The following MGAT4C variants were observed in gnomAD, a reference collection of about 807,000 sequenced individuals.
MGAT4C encodes MGAT4 family member C, also known as alpha-1,3-mannosyl-glycoprotein 4-beta-N-acetylglucosaminyltransferase C.
In MGAT4C, 19 loss-of-function variants were observed where a neutral mutation model predicts 40.1. That is an observed-to-expected ratio of 0.47 (90% confidence interval 0.33 to 0.70). The LOEUF is 0.70. MGAT4C is among the 30% of genes least tolerant of loss of function. MGAT4C has a pLI of 0.02. For synonymous variants in MGAT4C, 181 were observed against 187.1 expected, an observed-to-expected ratio of 0.97 and a Z score of 0.27; for missense variants, 491 against 563.2, an observed-to-expected ratio of 0.87 and a Z score of 1.30.
At chr12:86,382,782 C>G (rs1389035461) in intron 3 of MGAT4C, among the ~76,000 whole-genome samples, 1 of 152,182 alleles carries the variant, frequency 6.6e-6, no homozygotes, top group Non-Finnish European at 1.5e-5. Context: ...AGGTATAAGC[C>G]CCAAGCCTTA....
At chr12:86,383,488 T>C (rs750168544) in intron 3 of MGAT4C, among the ~76,000 whole-genome samples, 5 of 140,368 alleles carry the variant, frequency 3.6e-5, no homozygotes, top group Non-Finnish European at 7.5e-5. Flanking sequence ...GGGATGGAGG[T>C]TGCAGTGAGC....
chr12:85,957,246 T>C lies in MGAT4C; in HGVS notation c.*22043A>G, dbSNP rs1565788220. Reference sequence around the variant, plus strand: ...TTTAATTTTTATTTTATTTTCTTCATCTGTAAATAAAGTCATATTATTTGT... The same window carrying C: ...TTTAATTTTTATTTTATTTTCTTCACCTGTAAATAAAGTCATATTATTTGT... On this transcript the variant is annotated 3_prime_UTR_variant, in exon 5 of 5. Coordinates refer to ENST00000611864, the MANE Select transcript of MGAT4C (RefSeq NM_001351288.2). The C allele has an allele frequency of 6.6e-6, 1 of 152,228 alleles. No homozygotes were observed. The highest frequency in any genetic ancestry group is 2.4e-5 in the African/African-American group (1 of 41,468). The allele number at this position is 152,228 out of a possible 1,614,324, so 9.4% of individuals were successfully genotyped here.
intron 1 of MGAT4C, among the ~76,000 whole-genome samples, chr12:86,775,848 A>AATAT (rs35313350): frequency 1.9e-4 from 28 of 149,980 alleles, no homozygotes; most frequent in South Asian, 1.3e-3. Context: ...TTTACCCTGA[A>AATAT]ATATATATAT....
intron 2 of MGAT4C, among the ~76,000 whole-genome samples, chr12:86,535,677 T>C (rs4441085): frequency 3.0e-4 from 45 of 152,232 alleles, no homozygotes; most frequent in Admixed American, 1.4e-3. Context: ...TGTACAAATC[T>C]AAACAATTAA....
intron 2 of MGAT4C, among the ~76,000 whole-genome samples, chr12:86,471,995 A>C (rs975388193): frequency 3.9e-5 from 6 of 152,142 alleles, no homozygotes; most frequent in Non-Finnish European, 8.8e-5. Context: ...TTTAAGTGCC[A>C]ATAGTTTTTG....
At chr12:86,094,856 T>C (rs1322984458) in intron 1 of MGAT4C, among the ~76,000 whole-genome samples, 1 of 152,142 alleles carries the variant, frequency 6.6e-6, no homozygotes, top group East Asian at 1.9e-4. Flanking sequence ...CTAACTTTCC[T>C]TGTACATTAA....
At chr12:86,557,379 G>T (rs1393388209) in intron 2 of MGAT4C, among the ~76,000 whole-genome samples, 1 of 152,124 alleles carries the variant, frequency 6.6e-6, no homozygotes, top group Non-Finnish European at 1.5e-5. Context: ...AGCCAACCCT[G>T]CCAGTCACCA....
At chr12:86,655,378 T>C (rs1429208806) in intron 2 of MGAT4C, among the ~76,000 whole-genome samples, 3 of 152,158 alleles carry the variant, frequency 2.0e-5, no homozygotes, top group Non-Finnish European at 2.9e-5. Context: ...GTACATTTCA[T>C]GCATAGAGAA....
chr12:86,407,640 G>A (rs1340267070), intron 3 of MGAT4C, among the ~76,000 whole-genome samples: 1 of 151,984 alleles, frequency 6.6e-6, no homozygotes, highest in Non-Finnish European at 1.5e-5. Context: ...TCAGTTTGCT[G>A]TGTGATTCAA....
intron 2 of MGAT4C, among the ~76,000 whole-genome samples, chr12:86,558,164 A>G (rs1387986893): frequency 6.6e-6 from 1 of 152,210 alleles, no homozygotes; most frequent in Non-Finnish European, 1.5e-5. Flanking sequence ...ACCATCAGAC[A>G]AAAGAAAATA....
At chr12:86,147,493 G>T (rs1293142696) in intron 1 of MGAT4C, among the ~76,000 whole-genome samples, 1 of 152,040 alleles carries the variant, frequency 6.6e-6, no homozygotes, top group Non-Finnish European at 1.5e-5. Flanking sequence ...CACCCGCCTC[G>T]GCCTCCCAAA....
rs376528615 is a variant in MGAT4C at position 86,634,917 on chromosome 12, T to C, written c.-229+92292A>G. Among the ~76,000 whole-genome samples the C allele has an allele frequency of 1.8e-4, 28 of 152,266 alleles. 1 individual carries two copies. The highest frequency in any genetic ancestry group is 6.3e-4 in the African/African-American group (26 of 41,574). On this transcript the variant is annotated intron_variant, in intron 2 of 7. Transcript: ENST00000548651. ...ATGTAAACATGTGACTCATTGGTGGTCAGCTCAGGGTGTGTCCCACACACA... is the reference window on the plus strand; with the variant it reads ...ATGTAAACATGTGACTCATTGGTGGCCAGCTCAGGGTGTGTCCCACACACA...
intron 2 of MGAT4C, among the ~76,000 whole-genome samples, chr12:86,460,522 T>A (rs541782345): frequency 5.4e-4 from 83 of 152,334 alleles, no homozygotes; most frequent in African/African-American, 1.9e-3. Context: ...TAAATGGTAT[T>A]TCTTCTGGTT....
At chr12:86,708,347 G>C (rs548087149) in intron 2 of MGAT4C, among the ~76,000 whole-genome samples, 1 of 152,360 alleles carries the variant, frequency 6.6e-6, no homozygotes, top group African/African-American at 2.4e-5. Flanking sequence ...CCTCTGCTTA[G>C]ATTTCAGAAG....
intron 1 of MGAT4C, among the ~76,000 whole-genome samples, chr12:86,083,560 G>T (rs1871234815): frequency 6.6e-6 from 1 of 151,910 alleles, no homozygotes; most frequent in South Asian, 2.1e-4. Flanking sequence ...CAGCTTGTGA[G>T]TACAAATAAA....
chr12:86,295,319 G>A (rs891102647), intron 4 of MGAT4C, among the ~76,000 whole-genome samples: 1 of 152,096 alleles, frequency 6.6e-6, no homozygotes, highest in Non-Finnish European at 1.5e-5. Context: ...TAATGTGCCT[G>A]GAATTGGTGG....
At chr12:86,239,265 C>A (rs756987035) in intron 1 of MGAT4C, among the ~76,000 whole-genome samples, 19 of 151,982 alleles carry the variant, frequency 1.3e-4, no homozygotes, top group Admixed American at 7.9e-4. Context: ...GCTTTGATAA[C>A]ATGAAAATTT....
chr12:86,770,052 T>A (rs1951602473), intron 1 of MGAT4C, among the ~76,000 whole-genome samples: 1 of 152,026 alleles, frequency 6.6e-6, no homozygotes, highest in Non-Finnish European at 1.5e-5. Flanking sequence ...TTAGCTTTAT[T>A]CCATTAAAAA....
At position 86,729,257 on chromosome 12, in the gene MGAT4C, G is replaced by T. The variant is rs1051740606; in HGVS notation, c.-261-2016C>A. ...ACAAAGGATAAATGCTTGAGGTGAT[G>T]GATACCCCAGTTACCCTGGTGTGAT... On this transcript the variant is annotated intron_variant, in intron 1 of 7. Coordinates refer to the MGAT4C transcript ENST00000548651. 5.9e-5 allele frequency among the ~76,000 whole-genome samples: 9 copies of T among 152,132 alleles called. 1 individual carries two copies. Among genetic ancestry groups the T allele is most frequent in the Admixed American group, 5.2e-4 (8 of 15,288 alleles).
Sources: gnomAD v4.1 joint callset for allele counts (sites outside exome capture counted in the v4.1 genomes callset) on GRCh38, gnomAD v4.1.1 for gene constraint, MANE v1.5 for transcripts, NCBI Gene and HGNC (gene_info 2026-07-23, HGNC 2026-07-21) for gene names.